The following TRIM14 variants were observed in gnomAD, a reference collection of about 807,000 sequenced individuals.
TRIM14 encodes tripartite motif-containing protein 14.
A neutral mutation model predicts 44.5 loss-of-function variants in TRIM14; 28 were observed. That is an observed-to-expected ratio of 0.63 (90% CI 0.47 to 0.86). The LOEUF (loss-of-function observed/expected upper bound fraction) is 0.86. Ranked by LOEUF, TRIM14 falls within the 40% of genes least tolerant of loss-of-function variation. TRIM14 has a pLI of 0.00. For missense variants in TRIM14, 607 were observed against 611.1 expected, an observed-to-expected ratio of 0.99 and a Z score of 0.07; for synonymous variants, 299 against 269.2, an observed-to-expected ratio of 1.11 and a Z score of -1.08.
the TRIM14 span, among the ~76,000 whole-genome samples, chr9:98,060,500 C>T: frequency 6.6e-6 from 1 of 152,086 alleles, no homozygotes; most frequent in Non-Finnish European, 1.5e-5. Context: ...GAAACCTTGT[C>T]TTTACTAAAA....
At chr9:98,071,291 G>T (rs1409627772) in intron 6 of TRIM14, among the ~76,000 whole-genome samples, 1 of 152,198 alleles carries the variant, frequency 6.6e-6, no homozygotes, top group Non-Finnish European at 1.5e-5. Context: ...CAGCTCTGTG[G>T]TACACACCCT....
chr9:98,092,462 C>A (rs1314465238), intron 4 of TRIM14: 1 of 377,210 alleles, frequency 2.7e-6, no homozygotes, highest in South Asian at 2.0e-5. Context: ...CAGGTTGCCT[C>A]CTTCCCAGCT....
At chr9:98,054,672 G>A in the TRIM14 span, among the ~76,000 whole-genome samples, 1 of 152,300 alleles carries the variant, frequency 6.6e-6, no homozygotes, top group African/African-American at 2.4e-5. Flanking sequence ...CTATTGCAAA[G>A]TGTACTCCAT....
downstream of TRIM14, among the ~76,000 whole-genome samples, chr9:98,083,971 A>G (rs1006683881): frequency 1.3e-5 from 2 of 152,188 alleles, no homozygotes; most frequent in Non-Finnish European, 2.9e-5. Flanking sequence ...CCATCCCTGG[A>G]GATAGTTAAT....
the TRIM14 span, among the ~76,000 whole-genome samples, chr9:98,053,554 C>A: frequency 6.6e-6 from 1 of 152,114 alleles, no homozygotes; most frequent in East Asian, 1.9e-4. Context: ...CTAAGTACAC[C>A]AGATTTTCTA....
chr9:98,080,758 G>A, downstream of TRIM14: 1 of 1,519,280 alleles, frequency 6.6e-7, no homozygotes, highest in Non-Finnish European at 8.8e-7. Context: ...GCTTCACCTG[G>A]AGAATATGCA....
At chr9:98,092,061 T>A in intron 4 of TRIM14, 60 bp from the exon 5 acceptor site, 2 of 1,331,228 alleles carry the variant, frequency 1.5e-6, no homozygotes, top group Non-Finnish European at 2.1e-6. Flanking sequence ...AAATAAGACG[T>A]GCTAAAAATA....
At chr9:98,058,175 C>T in the TRIM14 span, among the ~76,000 whole-genome samples, 4 of 152,148 alleles carry the variant, frequency 2.6e-5, no homozygotes, top group East Asian at 1.9e-4. Context: ...CCTTGGCCTC[C>T]GAAAGTGCTG....
At chr9:98,068,488 A>C (rs753844269), downstream of TRIM14, among the ~76,000 whole-genome samples, 2 of 151,370 alleles carry the variant, frequency 1.3e-5, no homozygotes, top group Non-Finnish European at 2.9e-5. Flanking sequence ...CCACAATGTG[A>C]TATCACTGCA....
intron 3 of TRIM14, among the ~76,000 whole-genome samples, chr9:98,097,911 A>G (rs752435796): frequency 6.6e-6 from 1 of 152,234 alleles, no homozygotes; most frequent in Non-Finnish European, 1.5e-5. Context: ...CTTAAAGCAC[A>G]ACACCCATTA....
At chr9:98,062,720 G>A in the TRIM14 span, among the ~76,000 whole-genome samples, 5 of 150,300 alleles carry the variant, frequency 3.3e-5, no homozygotes, top group African/African-American at 1.2e-4. Flanking sequence ...TTCTTTTGGT[G>A]CATGTACTAT....
At chr9:98,065,447 G>C (rs1230678292), downstream of TRIM14, among the ~76,000 whole-genome samples, 1 of 141,014 alleles carries the variant, frequency 7.1e-6, no homozygotes, top group African/African-American at 2.6e-5. Flanking sequence ...CTCCCAAGTA[G>C]ATGGGATTAC....
intron 1 of TRIM14, among the ~76,000 whole-genome samples, chr9:98,110,783 A>T (rs1778194604): frequency 6.6e-6 from 1 of 151,776 alleles, no homozygotes; most frequent in Admixed American, 6.6e-5. Flanking sequence ...AGGTAGGAGG[A>T]TCACTTGAGC....
chr9:98,078,432 C>G, intron 6 of TRIM14: 1 of 1,463,662 alleles, frequency 6.8e-7, no homozygotes, highest in African/African-American at 1.4e-5. Context: ...TTCTAACAAA[C>G]ATGGCATACT....
At position 98,087,933 on chromosome 9, in the gene TRIM14, A is replaced by G. The variant is rs1211332935; in HGVS notation, c.866T>C (p.Val289Ala). ...RLRLSADRLT[V>A]RCGLLGSLGP... ...CAGGCTGCCCAGCAGGCCGCAGCGC[A>G]CCGTCAGGCGATCGGCGGACAGGCG... Residue 289 changes from valine (V) to alanine (A), a missense_variant, in exon 6 of 6, where the codon GTG becomes GCG. By Grantham distance (64) the Val-to-Ala change is moderately conservative. Coordinates refer to ENST00000341469, the MANE Select transcript of TRIM14 (RefSeq NM_014788.4). 2 of 1,566,340 alleles carry G rather than the reference A, an allele frequency of 1.3e-6. No individual in the cohort carries two copies. Among genetic ancestry groups the G allele is most frequent in the South Asian group, 2.3e-5 (2 of 87,452 alleles).
chr9:98,099,579 G>A (rs1314357923), intron 3 of TRIM14, among the ~76,000 whole-genome samples: 1 of 151,812 alleles, frequency 6.6e-6, no homozygotes, highest in Non-Finnish European at 1.5e-5. Context: ...TACCTGCTGT[G>A]TGAGACCAGG....
At chr9:98,118,403 A>G (rs1442817258) in intron 1 of TRIM14, among the ~76,000 whole-genome samples, 17 of 152,132 alleles carry the variant, frequency 1.1e-4, no homozygotes, top group Non-Finnish European at 1.5e-5. Context: ...GGCTGTAATA[A>G]TAATGGCTCA....
At chr9:98,102,704 G>C (rs1489945237) in intron 2 of TRIM14, among the ~76,000 whole-genome samples, 1 of 152,182 alleles carries the variant, frequency 6.6e-6, no homozygotes, top group Non-Finnish European at 1.5e-5. Flanking sequence ...GTAATTGCTT[G>C]ATGGTTTCAG....
At chr9:98,081,412 T>TAAGTC, downstream of TRIM14, 1 of 267,740 alleles carries the variant, frequency 3.7e-6, no homozygotes, top group East Asian at 8.7e-5. Context: ...GGCCCTGGAA[T>TAAGTC]AAGTCAAGTC....
Sources: gnomAD v4.1 joint callset for allele counts (sites outside exome capture counted in the v4.1 genomes callset) on GRCh38, gnomAD v4.1.1 for gene constraint, MANE v1.5 for transcripts, NCBI Gene and HGNC (gene_info 2026-07-23, HGNC 2026-07-21) for gene names.